DYSF: variants seen among roughly 807,000 people sequenced by gnomAD.
The protein encoded by DYSF is dysferlin.
In DYSF, 212 loss-of-function variants were observed where a neutral mutation model predicts 274.9. The ratio of observed to expected loss-of-function variants is 0.77; its 90% confidence interval spans 0.69 to 0.86. DYSF has a LOEUF of 0.86. Ranked by LOEUF, DYSF falls within the 40% of genes least tolerant of loss-of-function variation. The probability of loss-of-function intolerance (pLI) is 0.00; values close to 1 mark genes in which losing one functional copy is unlikely to be tolerated. For missense variants in DYSF, 2,666 were observed against 2,783.2 expected, an observed-to-expected ratio of 0.96 and a Z score of 0.95; for synonymous variants, 1,091 against 1,078.7, an observed-to-expected ratio of 1.01 and a Z score of -0.22.
chr2:71,616,487 G>C (rs982426952), intron 40 of DYSF, among the ~76,000 whole-genome samples: 6 of 147,648 alleles, frequency 4.1e-5, no homozygotes, highest in Admixed American at 4.0e-4. Context: ...CATGACAGGT[G>C]GGGGTGGTAG....
At chr2:71,556,183 T>G in intron 22 of DYSF, 112 bp downstream of exon 22, 1 of 892,376 alleles carries the variant, frequency 1.1e-6, no homozygotes, top group Non-Finnish European at 1.8e-6. Flanking sequence ...CAGCCACGCT[T>G]GGCCAGCAGT....
intron 3 of DYSF, among the ~76,000 whole-genome samples, chr2:71,486,060 A>G (rs1469194000): frequency 6.6e-6 from 1 of 152,114 alleles, no homozygotes. Flanking sequence ...CAGGGACTCA[A>G]GGGTTAGGTG....
At chr2:71,478,761 A>G (rs2082625964) in intron 1 of DYSF, among the ~76,000 whole-genome samples, 1 of 151,914 alleles carries the variant, frequency 6.6e-6, no homozygotes, top group Non-Finnish European at 1.5e-5. Context: ...ATTCCCTTAG[A>G]ATCTCCCTGA....
intron 16 of DYSF, among the ~76,000 whole-genome samples, chr2:71,538,860 T>G (rs1304257623): frequency 2.0e-5 from 3 of 152,186 alleles, no homozygotes; most frequent in Admixed American, 6.5e-5. Flanking sequence ...CCTGTCAGCC[T>G]GCAGATGCGT....
chr2:71,550,417 T>C (rs1481981580), intron 17 of DYSF, among the ~76,000 whole-genome samples: 2 of 151,630 alleles, frequency 1.3e-5, no homozygotes, highest in African/African-American at 4.9e-5. Context: ...ACAATGTGTG[T>C]GTGGGGAGGA....
chr2:71,540,114 CT>C (rs565221959), intron 17 of DYSF, among the ~76,000 whole-genome samples: 6,064 of 133,606 alleles, frequency 0.045, 220 homozygotes, highest in African/African-American at 0.13. Flanking sequence ...CTTTTTTTTT[CT>C]TTTTTTTTTT....
chr2:71,454,576 G>T (rs2080973302), intron 1 of DYSF, among the ~76,000 whole-genome samples: 2 of 152,166 alleles, frequency 1.3e-5, no homozygotes. Context: ...CACTGGAGGC[G>T]AAGGCACCCT....
chr2:71,668,287 T>G (rs1279871389), intron 48 of DYSF, among the ~76,000 whole-genome samples: 1 of 152,204 alleles, frequency 6.6e-6, no homozygotes, highest in Non-Finnish European at 1.5e-5. Flanking sequence ...TCTGTGACCC[T>G]GCAGAAGTGA....
intron 33 of DYSF, 60 bp from the exon 34 acceptor site, chr2:71,600,642 G>C (rs2093527162): frequency 1.9e-6 from 3 of 1,612,010 alleles, no homozygotes; most frequent in Non-Finnish European, 2.5e-6. Context: ...TGATCTCTCT[G>C]AGGCTCCCTA....
chr2:71,672,063 T>G (rs2095133797), intron 51 of DYSF, among the ~76,000 whole-genome samples: 1 of 151,470 alleles, frequency 6.6e-6, no homozygotes, highest in Non-Finnish European at 1.5e-5. Flanking sequence ...GATGCCAGAC[T>G]CTGGGGAGAA....
chr2:71,472,380 G>A (rs1410939248), intron 1 of DYSF, among the ~76,000 whole-genome samples: 1 of 152,184 alleles, frequency 6.6e-6, no homozygotes, highest in African/African-American at 2.4e-5. Context: ...CTAACACACA[G>A]CATTGTCCTG....
Position 71,553,937 on chromosome 2 carries a change from T to G in DYSF, c.2109+6T>G, listed in dbSNP as rs776490431. ...TTGGGATTGCTGACCGGCTGGTGAG[T>G]GAAAACTTGCCCAAAGCTGCACATG... On this transcript the variant is annotated splice_donor_region_variant and intron_variant, in intron 21 of 55. Coordinates refer to ENST00000410020, the MANE Select transcript of DYSF (RefSeq NM_001130987.2). 1.9e-6 allele frequency: 3 copies of G among 1,613,834 alleles called. No individual in the cohort carries two copies. Among genetic ancestry groups the G allele is most frequent in the Non-Finnish European group, 2.5e-6 (3 of 1,179,934 alleles).
upstream of DYSF, among the ~76,000 whole-genome samples, chr2:71,466,103 C>T (rs2081513764): frequency 6.6e-6 from 1 of 152,178 alleles, no homozygotes; most frequent in Admixed American, 6.5e-5. Context: ...TCTCCCGACC[C>T]GGGGGTCCCA....
chr2:71,547,802 G>A (rs1162995380), intron 17 of DYSF, among the ~76,000 whole-genome samples: 1 of 152,160 alleles, frequency 6.6e-6, no homozygotes, highest in African/African-American at 2.4e-5. Flanking sequence ...CATCTGGGCT[G>A]GACACCAGTC....
chr2:71,503,143 G>A, intron 3 of DYSF, 71 bp from the exon 4 acceptor site: 1 of 1,374,608 alleles, frequency 7.3e-7, no homozygotes, highest in Non-Finnish European at 1.0e-6. Context: ...AGTGGTGGCA[G>A]TGAGGGGTCT....
intron 41 of DYSF, among the ~76,000 whole-genome samples, chr2:71,639,868 C>T (rs2094460693): frequency 6.6e-6 from 1 of 152,126 alleles, no homozygotes; most frequent in Non-Finnish European, 1.5e-5. Flanking sequence ...TAGCTCTTGG[C>T]CAAGAAGCTA....
chr2:71,532,873 T>G (rs2088906477), intron 14 of DYSF, among the ~76,000 whole-genome samples: 1 of 150,860 alleles, frequency 6.6e-6, no homozygotes. Context: ...TCTATCTATC[T>G]ATCTATCATG....
At chr2:71,484,825 A>G (rs1204793435) in intron 3 of DYSF, among the ~76,000 whole-genome samples, 1 of 152,224 alleles carries the variant, frequency 6.6e-6, no homozygotes, top group Non-Finnish European at 1.5e-5. Context: ...CCCTCAGGGT[A>G]ACGGTAAGTG....
chr2:71,682,484 G>A lies in DYSF; in HGVS notation c.6174-46G>A, dbSNP rs1051045198. On this transcript the variant is annotated intron_variant, in intron 54 of 55. Coordinates refer to ENST00000410020, the MANE Select transcript of DYSF (RefSeq NM_001130987.2). Reference sequence around the variant, plus strand: ...TTGAGAGAAGAGTTTGGAGAAAGCAGCCCTAGTAAAGGATGCCCAGTTGAC... The same window carrying A: ...TTGAGAGAAGAGTTTGGAGAAAGCAACCCTAGTAAAGGATGCCCAGTTGAC... The A allele has an allele frequency of 8.1e-6, 13 of 1,613,202 alleles. No individual in the cohort carries two copies. In the Admixed American group the frequency reaches 1.5e-4, roughly 19 times the overall value.
Sources: gnomAD v4.1 joint callset for allele counts (sites outside exome capture counted in the v4.1 genomes callset) on GRCh38, gnomAD v4.1.1 for gene constraint, MANE v1.5 for transcripts, NCBI Gene and HGNC (gene_info 2026-07-23, HGNC 2026-07-21) for gene names.